ASIC2: variants seen among roughly 807,000 people sequenced by gnomAD.
ASIC2 encodes acid-sensing ion channel 2.
A neutral mutation model predicts 57.3 loss-of-function variants in ASIC2; 25 were observed. The observed-to-expected ratio is 0.44, with a 90% CI of 0.32 to 0.61. The LOEUF is 0.61. Among genes scored for constraint, ASIC2 ranks in the 20% least tolerant of loss-of-function variants. ASIC2 has a pLI of 0.06. For synonymous variants in ASIC2, 319 were observed against 307.5 expected, an observed-to-expected ratio of 1.04 and a Z score of -0.39; for missense variants, 641 against 738.1, an observed-to-expected ratio of 0.87 and a Z score of 1.52.
intron 1 of ASIC2, chr17:33,692,265 T>C (rs964190967): frequency 2.0e-5 from 3 of 152,136 alleles, no homozygotes; most frequent in Non-Finnish European, 4.4e-5. Flanking sequence ...CTTCACCCTC[T>C]TCACAGGAAC....
chr17:33,732,065 C>T (rs962870348), intron 1 of ASIC2, among the ~76,000 whole-genome samples: 3 of 152,154 alleles, frequency 2.0e-5, no homozygotes, highest in Non-Finnish European at 4.4e-5. Context: ...TTGGCCATCT[C>T]CACCAAAATT....
In ASIC2 at chr17:33,507,827, C is replaced by T. The variant is rs143187838; in HGVS notation, c.556-395760G>A. 4.5e-3 allele frequency among the ~76,000 whole-genome samples: 685 copies of T among 152,322 alleles called. 4 individuals are homozygous for T. The highest frequency in any genetic ancestry group is 7.8e-3 in the Admixed American group (120 of 15,304). ...GGCTGAGGCAGGAGAATTGCTTGAA[C>T]CCAGCAGGCAGAGGTTGCAGTCAGC... On this transcript the variant is annotated intron_variant, in intron 1 of 9. Coordinates refer to the ASIC2 transcript ENST00000359872.
chr17:33,821,841 C>T lies in ASIC2; in HGVS notation c.555+334137G>A, dbSNP rs548124931. On this transcript the variant is annotated intron_variant, in intron 1 of 9. Transcript: ENST00000359872. ...AGAAAGATCCTTAGAGGTCACTAATCCAATCGCTGTGTTTCTCCGTGGGGG... is the reference window on the plus strand; with the variant it reads ...AGAAAGATCCTTAGAGGTCACTAATTCAATCGCTGTGTTTCTCCGTGGGGG... Among the ~76,000 whole-genome samples, 5 of 152,292 alleles carry T rather than the reference C, an allele frequency of 3.3e-5. No individual in the cohort carries two copies. The South Asian group carries it at 1.0e-3, about 32-fold the overall frequency.
chr17:34,152,826 A>G (rs1219396577), intron 1 of ASIC2, among the ~76,000 whole-genome samples: 2 of 152,216 alleles, frequency 1.3e-5, no homozygotes, highest in East Asian at 3.9e-4. Context: ...CACCATGGGC[A>G]GAGACACAAT....
intron 1 of ASIC2, among the ~76,000 whole-genome samples, chr17:33,367,597 G>A (rs1908863987): frequency 6.6e-6 from 1 of 152,148 alleles, no homozygotes; most frequent in Admixed American, 6.5e-5. Flanking sequence ...CTGCTGTCAG[G>A]GGTACTCACT....
intron 1 of ASIC2, among the ~76,000 whole-genome samples, chr17:33,973,541 G>T (rs1214766615): frequency 6.6e-6 from 1 of 152,176 alleles, no homozygotes; most frequent in African/African-American, 2.4e-5. Context: ...GATTGGGTAG[G>T]CAGGAGCGCT....
At chr17:34,050,335 T>C (rs1371165438) in intron 1 of ASIC2, among the ~76,000 whole-genome samples, 3 of 151,992 alleles carry the variant, frequency 2.0e-5, no homozygotes, top group Non-Finnish European at 4.4e-5. Flanking sequence ...GCTACTGCAG[T>C]GGAAATGCCA....
At chr17:33,333,891 T>C (rs531853680) in intron 1 of ASIC2, among the ~76,000 whole-genome samples, 1 of 152,304 alleles carries the variant, frequency 6.6e-6, no homozygotes, top group South Asian at 2.1e-4. Context: ...GGAAAGTCTT[T>C]CCCCAGACCC....
chr17:33,316,567 C>T (rs117158989), intron 1 of ASIC2, among the ~76,000 whole-genome samples: 6,825 of 152,268 alleles, frequency 0.045, 228 homozygotes, highest in Non-Finnish European at 0.073. Context: ...GGATTACAGG[C>T]ATGAGACACC....
At chr17:33,776,531 G>A (rs901974699) in intron 1 of ASIC2, among the ~76,000 whole-genome samples, 1 of 152,242 alleles carries the variant, frequency 6.6e-6, no homozygotes, top group East Asian at 1.9e-4. Context: ...AGGATGCAGA[G>A]TTACATTTGA....
chr17:33,033,180 C>A (rs950632276), intron 3 of ASIC2, among the ~76,000 whole-genome samples: 1 of 152,172 alleles, frequency 6.6e-6, no homozygotes, highest in Non-Finnish European at 1.5e-5. Context: ...CCAGTGGGAA[C>A]CCTGACCCTT....
At chr17:33,208,778 C>T (rs1907164337) in intron 1 of ASIC2, among the ~76,000 whole-genome samples, 1 of 152,100 alleles carries the variant, frequency 6.6e-6, no homozygotes, top group Non-Finnish European at 1.5e-5. Flanking sequence ...GCCCTCAGAA[C>T]AGGGCCTGGC....
chr17:33,759,528 G>C (rs1910716325), intron 1 of ASIC2, among the ~76,000 whole-genome samples: 1 of 152,216 alleles, frequency 6.6e-6, no homozygotes, highest in Non-Finnish European at 1.5e-5. Context: ...AGGGAGCCAG[G>C]TTCTATTCCT....
At chr17:33,630,186 G>A (rs1176688072) in intron 1 of ASIC2, among the ~76,000 whole-genome samples, 1 of 152,034 alleles carries the variant, frequency 6.6e-6, no homozygotes, top group Non-Finnish European at 1.5e-5. Flanking sequence ...AAGAACTTTG[G>A]GATCTCATTC....
intron 1 of ASIC2, among the ~76,000 whole-genome samples, chr17:33,745,852 G>A (rs939511883): frequency 6.6e-6 from 1 of 152,052 alleles, no homozygotes; most frequent in Non-Finnish European, 1.5e-5. Flanking sequence ...GAATCCACAT[G>A]ATAAAAACAA....
chr17:33,779,444 G>T (rs1053342481), intron 1 of ASIC2, among the ~76,000 whole-genome samples: 2 of 152,160 alleles, frequency 1.3e-5, no homozygotes, highest in Non-Finnish European at 2.9e-5. Flanking sequence ...TCTGTAAGAA[G>T]CTTTATCCCT....
In ASIC2 at chr17:33,228,482, C is replaced by T. The variant is rs117125577; in HGVS notation, c.708+62926G>A. On this transcript the variant is annotated intron_variant, in intron 1 of 9. Coordinates refer to ENST00000225823, the MANE Select transcript of ASIC2 (RefSeq NM_183377.2). Reference sequence around the variant, plus strand: ...TCTGCACGAGGGTGTGTCACATCCACGTGCGCATGGCACGTCCATGTGGTG... The same window carrying T: ...TCTGCACGAGGGTGTGTCACATCCATGTGCGCATGGCACGTCCATGTGGTG... 7.2e-5 allele frequency among the ~76,000 whole-genome samples: 11 copies of T among 152,364 alleles called. No homozygotes were observed. The East Asian group carries it at 1.7e-3, about 24-fold the overall frequency.
At chr17:33,738,398 C>A (rs1012643444) in intron 1 of ASIC2, among the ~76,000 whole-genome samples, 2 of 152,196 alleles carry the variant, frequency 1.3e-5, no homozygotes, top group African/African-American at 2.4e-5. Context: ...TCAGCACCTG[C>A]ATTTTCTGGT....
intron 1 of ASIC2, among the ~76,000 whole-genome samples, chr17:34,062,488 C>T (rs575776561): frequency 1.3e-5 from 2 of 151,908 alleles, no homozygotes; most frequent in Non-Finnish European, 2.9e-5. Context: ...AAACCAAACC[C>T]AAATCCAGTA....
Sources: gnomAD v4.1 joint callset for allele counts (sites outside exome capture counted in the v4.1 genomes callset) on GRCh38, gnomAD v4.1.1 for gene constraint, MANE v1.5 for transcripts, NCBI Gene and HGNC (gene_info 2026-07-23, HGNC 2026-07-21) for gene names.